The following DLGAP2 variants were observed in gnomAD, a reference collection of about 807,000 sequenced individuals.
The protein encoded by DLGAP2 is disks large-associated protein 2.
In DLGAP2, 26 loss-of-function variants were observed where a neutral mutation model predicts 100.3. That is an observed-to-expected ratio of 0.26 (90% CI 0.19 to 0.36). DLGAP2 has a LOEUF of 0.36. Among genes scored for constraint, DLGAP2 ranks in the 10% least tolerant of loss-of-function variants. DLGAP2 has a pLI of 1.00. For missense variants in DLGAP2, 1,858 were observed against 1,453.2 expected, an observed-to-expected ratio of 1.28 and a Z score of -4.53; for synonymous variants, 886 against 630.1, an observed-to-expected ratio of 1.41 and a Z score of -6.08.
intron 3 of DLGAP2, among the ~76,000 whole-genome samples, chr8:1,303,592 C>G (rs1005874146): frequency 1.3e-5 from 2 of 152,088 alleles, no homozygotes; most frequent in Non-Finnish European, 2.9e-5. Context: ...AGGTGTAACT[C>G]TCTCTTAACG....
rs548629903 is a variant in DLGAP2, at chr8:862,584, C to T, written c.19-45328C>T. The stretch of plus-strand genomic sequence containing the variant: ...CTGGGATTATAGGGGTGAGCTGCCT[C>T]GCCTGGCCAGACTCCAGTTTTATTC... On this transcript the variant is annotated intron_variant, in intron 1 of 14. Transcript: ENST00000637795. Among the ~76,000 whole-genome samples, 8 of 152,238 alleles carry T rather than the reference C, an allele frequency of 5.3e-5. No homozygotes were observed. The South Asian group carries it at 6.2e-4, about 12-fold the overall frequency.
At chr8:1,392,200 C>T (rs1030420160) in intron 3 of DLGAP2, among the ~76,000 whole-genome samples, 1 of 152,144 alleles carries the variant, frequency 6.6e-6, no homozygotes, top group Non-Finnish European at 1.5e-5. Context: ...GCCATTGGAA[C>T]ACCCAGATTA....
At chr8:1,675,576 C>G (rs1798792739) in intron 10 of DLGAP2, among the ~76,000 whole-genome samples, 1 of 152,214 alleles carries the variant, frequency 6.6e-6, no homozygotes, top group Non-Finnish European at 1.5e-5. Context: ...ACGTGCAGCT[C>G]CTCTCTCTTG....
chr8:848,264 T>A (rs1223648700), intron 1 of DLGAP2, among the ~76,000 whole-genome samples: 1 of 151,912 alleles, frequency 6.6e-6, no homozygotes, highest in Non-Finnish European at 1.5e-5. Flanking sequence ...TATTCCAGTA[T>A]AGGATCGTGT....
At chr8:1,264,014 A>T (rs564862564) in intron 3 of DLGAP2, among the ~76,000 whole-genome samples, 1 of 152,244 alleles carries the variant, frequency 6.6e-6, no homozygotes, top group African/African-American at 2.4e-5. Flanking sequence ...AAATCAGAAA[A>T]CAGTCTCTAG....
At chr8:1,208,665 A>G (rs1485631491) in intron 2 of DLGAP2, among the ~76,000 whole-genome samples, 1 of 152,158 alleles carries the variant, frequency 6.6e-6, no homozygotes, top group African/African-American at 2.4e-5. Flanking sequence ...GGGCATCCAA[A>G]TTGGTAAAAA....
intron 2 of DLGAP2, among the ~76,000 whole-genome samples, chr8:957,783 G>A (rs2129009204): frequency 6.6e-6 from 1 of 152,272 alleles, no homozygotes; most frequent in South Asian, 2.1e-4. Context: ...AGAAGAAGGT[G>A]TAGGCTGGTA....
At chr8:1,169,994 A>C (rs986569615) in intron 2 of DLGAP2, among the ~76,000 whole-genome samples, 10 of 151,734 alleles carry the variant, frequency 6.6e-5, no homozygotes, top group African/African-American at 2.4e-4. Flanking sequence ...GTTTTTGCCC[A>C]TTCAGTATGA....
chr8:1,490,561 G>A (rs1799349574), intron 3 of DLGAP2, among the ~76,000 whole-genome samples: 1 of 152,212 alleles, frequency 6.6e-6, no homozygotes, highest in African/African-American at 2.4e-5. Flanking sequence ...TTCCAGAGAG[G>A]TCCACAGAGG....
chr8:1,530,007 A>G (rs1800935783), intron 4 of DLGAP2, among the ~76,000 whole-genome samples: 1 of 152,244 alleles, frequency 6.6e-6, no homozygotes, highest in African/African-American at 2.4e-5. Context: ...GCAGGGTGAG[A>G]TCACAGGACC....
intron 3 of DLGAP2, among the ~76,000 whole-genome samples, chr8:1,434,962 C>G (rs1322425518): frequency 6.6e-6 from 1 of 152,198 alleles, no homozygotes; most frequent in African/African-American, 2.4e-5. Flanking sequence ...GCCCTGGACT[C>G]TTGATCTTGT....
At position 1,679,576 on chromosome 8, in the gene DLGAP2, G is replaced by C. The variant is rs571349983; in HGVS notation, c.2704+947G>C. 8.5e-5 allele frequency among the ~76,000 whole-genome samples: 13 copies of C among 152,338 alleles called. No homozygotes were observed. The South Asian group carries it at 2.5e-3, about 29-fold the overall frequency. ...TCATTCTTCTACCAGTGTCACCAGG[G>C]CAGATCTGTCCCAGTCCCGTTGGTA... On this transcript the variant is annotated intron_variant, in intron 12 of 14. Transcript: ENST00000637795.
At chr8:1,068,003 C>T (rs1803310879) in intron 2 of DLGAP2, among the ~76,000 whole-genome samples, 1 of 152,210 alleles carries the variant, frequency 6.6e-6, no homozygotes, top group African/African-American at 2.4e-5. Context: ...GGACCATTGA[C>T]TATCTCTATA....
chr8:1,417,859 G>A (rs1563134462), intron 3 of DLGAP2, among the ~76,000 whole-genome samples: 1 of 152,214 alleles, frequency 6.6e-6, no homozygotes, highest in Non-Finnish European at 1.5e-5. Flanking sequence ...TTATTGGCGG[G>A]AATTCAGAGT....
At chr8:777,295 T>C (rs1184681130) in intron 1 of DLGAP2, among the ~76,000 whole-genome samples, 2 of 150,990 alleles carry the variant, frequency 1.3e-5, no homozygotes. Flanking sequence ...GGGTCTTGAC[T>C]CTTTATCCAA....
intron 1 of DLGAP2, among the ~76,000 whole-genome samples, chr8:811,861 A>C (rs889903606): frequency 6.6e-6 from 1 of 152,270 alleles, no homozygotes; most frequent in African/African-American, 2.4e-5. Context: ...ATGGGACCAA[A>C]CTGACTCTGA....
At chr8:1,577,807 C>A (rs911442759) in intron 6 of DLGAP2, among the ~76,000 whole-genome samples, 4 of 152,066 alleles carry the variant, frequency 2.6e-5, no homozygotes, top group African/African-American at 9.7e-5. Context: ...TGCTGGGGAA[C>A]GGGCAGCACT....
intron 3 of DLGAP2, among the ~76,000 whole-genome samples, chr8:1,323,534 G>A (rs1454158057): frequency 6.6e-6 from 1 of 152,194 alleles, no homozygotes; most frequent in Admixed American, 6.5e-5. Context: ...GGCGAGTGTA[G>A]TGCGGGAAGC....
rs1479468464 is a variant in DLGAP2 at position 1,048,343 on chromosome 8, G to A, written c.73+140377G>A. ...TAAATCAAGGTGAAATGTGAATCTA[G>A]TTCCATCTGACTTCAAAGCCGTTGC... On this transcript the variant is annotated intron_variant, in intron 2 of 14. Transcript: ENST00000637795. Among the ~76,000 whole-genome samples the A allele has an allele frequency of 2.0e-5, 3 of 152,060 alleles. No individual in the cohort carries two copies. In the East Asian group the frequency reaches 5.8e-4, roughly 30 times the overall value.
Sources: allele counts gnomAD v4.1 joint callset (sites outside exome capture counted in the v4.1 genomes callset), GRCh38; gene constraint gnomAD v4.1.1; transcripts MANE v1.5; gene names NCBI Gene and HGNC (gene_info 2026-07-23, HGNC 2026-07-21).